Variants in ZKSCAN7 observed in about 807,000 individuals in gnomAD.
The protein encoded by ZKSCAN7 is zinc finger with KRAB and SCAN domains 7, also known as zinc finger protein with KRAB and SCAN domains 7.
A neutral mutation model predicts 65.3 loss-of-function variants in ZKSCAN7; 38 were observed. That is an observed-to-expected ratio of 0.58 (90% CI 0.45 to 0.76). The LOEUF is 0.76. Ranked by LOEUF, ZKSCAN7 falls within the 30% of genes least tolerant of loss-of-function variation. The probability of loss-of-function intolerance (pLI) is 0.00; values close to 1 mark genes in which losing one functional copy is unlikely to be tolerated. For missense variants in ZKSCAN7, 815 were observed against 913.3 expected (o/e 0.89, Z 1.39); for synonymous variants, 321 against 321.0 (o/e 1.00, Z 0.00).
chr3:44,573,473 G>T (rs1370082079), downstream of ZKSCAN7, among the ~76,000 whole-genome samples: 2 of 152,198 alleles, frequency 1.3e-5, no homozygotes, highest in Non-Finnish European at 2.9e-5. Context: ...TCTCAGGCAA[G>T]TTTAGAAAGA....
Position 44,568,374 on chromosome 3 carries a change from G to C in ZKSCAN7, c.752G>C (p.Ser251Thr). 6.2e-7 allele frequency: 1 copy of C among 1,613,716 alleles called. No homozygotes were observed. The highest frequency in any genetic ancestry group is 8.5e-7 in the Non-Finnish European group (1 of 1,179,576). ...TQKKWKSLTL[S>T]QRALQWNMMP... ...AAGAAATGGAAAAGTCTCACACTCA[G>C]TCAGAGAGCCCTGCAGTGGAACATG... The change falls in exon 5 of 6, where the codon AGT becomes ACT. Residue 251 changes from serine to threonine, a missense_variant. Transcript: ENST00000426540.
At chr3:44,573,547 A>G (rs1699864563), downstream of ZKSCAN7, among the ~76,000 whole-genome samples, 1 of 152,210 alleles carries the variant, frequency 6.6e-6, no homozygotes, top group East Asian at 1.9e-4. Context: ...TTATGAATAT[A>G]TATTTTAAAT....
At position 44,570,306 on chromosome 3, in the gene ZKSCAN7, T is replaced by C. The variant is rs749320898; in HGVS notation, c.1196T>C (p.Ile399Thr). The change falls in exon 6 of 6, where the codon ATT (isoleucine) becomes ACT (threonine). Residue 399 changes from isoleucine to threonine, a missense_variant. Ile to Thr is a moderately conservative substitution (Grantham distance 89, BLOSUM62 -1). Around this residue, in one of 3 missense-constraint regions of ZKSCAN7, gnomAD observed 578 missense variants for 629.5 expected, o/e 0.92. Transcript: ENST00000426540. ...GKAFNRSSHL[I>T]GHQRIHTGEK... is the part of the protein sequence containing the mutation. ...GCTTTCAATCGGAGTTCTCACCTTA[T>C]TGGCCATCAGAGAATCCACACTGGA... is the stretch of plus-strand genomic sequence containing the variant. 23 of 1,614,108 alleles carry C rather than the reference T, an allele frequency of 1.4e-5. No individual in the cohort carries two copies. The African/African-American group carries it at 2.3e-4, about 16-fold the overall frequency.
At chr3:44,569,782 A>G (rs950829750) in intron 5 of ZKSCAN7, 140 bp from the exon 6 acceptor site, 1 of 1,336,438 alleles carries the variant, frequency 7.5e-7, no homozygotes, top group Non-Finnish European at 9.6e-7. Flanking sequence ...AATATTTCCC[A>G]TTTTGCTCTT....
chr3:44,580,043 T>C, intron 5 of ZKSCAN7: 1 of 1,579,794 alleles, frequency 6.3e-7, no homozygotes. Flanking sequence ...GGCCCTGGCG[T>C]GTGTCACTGG....
exon 6 of ZKSCAN7, chr3:44,583,358 T>C (rs1272636229): frequency 6.4e-6 from 1 of 156,370 alleles, no homozygotes; most frequent in African/African-American, 2.4e-5. Context: ...TCTTTTTCAA[T>C]CTCTATACAA....
chr3:44,561,336 A>AG (rs1156641144), intron 2 of ZKSCAN7, among the ~76,000 whole-genome samples: 1 of 150,538 alleles, frequency 6.6e-6, no homozygotes, highest in Non-Finnish European at 1.5e-5. Context: ...AAGAACACCA[A>AG]GGGGAGATCT....
intron 2 of ZKSCAN7, among the ~76,000 whole-genome samples, chr3:44,565,168 CT>C (rs1205974019): frequency 6.6e-6 from 1 of 152,184 alleles, no homozygotes; most frequent in African/African-American, 2.4e-5. Flanking sequence ...CTGAATTGCT[CT>C]CCTGGCTCCC....
rs71092315 is a variant in ZKSCAN7, at chr3:44,567,145, G to GGAAA, written c.593-754_593-751dup. 1.3e-3 allele frequency among the ~76,000 whole-genome samples: 167 copies of GGAAA among 127,790 alleles called. 3 individuals are homozygous for GGAAA. The East Asian group carries it at 0.029, about 22-fold the overall frequency. 83.8% of individuals were successfully genotyped at this position (127,790 alleles called of 152,430 possible). On this transcript the variant is annotated intron_variant, in intron 3 of 5. Transcript: ENST00000426540. ...AGAGAGAGAGAGAAAGAGAAAGAAAGGAAAGAAAGAAAGAAAAAGAGAAGA... is the reference window on the plus strand; with the variant it reads ...AGAGAGAGAGAGAAAGAGAAAGAAAGGAAAGAAAGAAAGAAAGAAAAAGAGAAGA...
chr3:44,567,158 GA>G (rs1699657381), intron 3 of ZKSCAN7, among the ~76,000 whole-genome samples: 1 of 110,564 alleles, frequency 9.0e-6, no homozygotes, highest in African/African-American at 3.5e-5. Context: ...AAGAAAGAAA[GA>G]AAAAGAGAAG....
At position 44,580,499 on chromosome 3, in the gene ZKSCAN7, A is replaced by G. The variant is rs570107649; in HGVS notation, c.812-2473A>G. The G allele has an allele frequency of 5.2e-5, 83 of 1,610,384 alleles. 3 individuals are homozygous for G. In the Middle Eastern group the frequency reaches 1.0e-3, roughly 20 times the overall value. ...TGCTGCTGCTGCTGCTGGTGGTAAC[A>G]GCCACCTTGGCAGGCCCAGGCTCCT... On this transcript the variant is annotated intron_variant, in intron 5 of 5. Transcript: ENST00000341840.
At position 44,565,576 on chromosome 3, in the gene ZKSCAN7, C is replaced by T; in HGVS notation, c.513C>T (p.Leu171=). 1 of 1,613,100 alleles carries T rather than the reference C, an allele frequency of 6.2e-7. No homozygotes were observed. Among genetic ancestry groups the T allele is most frequent in the Middle Eastern group, 1.7e-4 (1 of 6,060 alleles). Residue 171 remains leucine (L), a synonymous_variant, in exon 3 of 6, where the codon CTC becomes CTT. Transcript: ENST00000426540. ...TTKESPPTSP[L]SGGSAPGAHL... is the part of the protein sequence containing the mutation. ...AGGAATCTCCTCCTACCTCACCCCT[C>T]AGTGGGGGCTCAGCCCCTGGAGCCC... is the stretch of plus-strand genomic sequence containing the variant.
At position 44,570,795 on chromosome 3, in the gene ZKSCAN7, G is replaced by A. The variant is rs574206888; in HGVS notation, c.1685G>A (p.Arg562Gln). 142 of 1,614,022 alleles carry A rather than the reference G, an allele frequency of 8.8e-5. 2 individuals carry two copies. In the South Asian group the frequency reaches 9.7e-4, roughly 11 times the overall value. ...ECSECGKAFS[R>Q]SKCLIRHQSL... ...AGTGAATGTGGCAAAGCCTTCAGTC[G>A]GAGTAAATGTCTTATTCGACATCAG... Residue 562 changes from arginine (R) to glutamine (Q), a missense_variant, in exon 6 of 6, where the codon CGG (arginine) becomes CAG (glutamine). Arg to Gln is a conservative substitution (Grantham distance 43). This residue lies in a region of ZKSCAN7 where 578 missense variants were observed against 629.5 expected (regional missense o/e 0.92). Transcript: ENST00000426540.
chr3:44,573,677 A>C (rs775631457), downstream of ZKSCAN7, among the ~76,000 whole-genome samples: 1 of 152,212 alleles, frequency 6.6e-6, no homozygotes, highest in Non-Finnish European at 1.5e-5. Flanking sequence ...CCAACCCTAT[A>C]TGAGCACATG....
At chr3:44,576,578 A>C (rs1167559408), downstream of ZKSCAN7, among the ~76,000 whole-genome samples, 1 of 151,564 alleles carries the variant, frequency 6.6e-6, no homozygotes, top group African/African-American at 2.4e-5. Flanking sequence ...CTTCACATAC[A>C]TTTGCTTTTT....
At chr3:44,560,805 G>A (rs1699455362) in intron 2 of ZKSCAN7, among the ~76,000 whole-genome samples, 2 of 152,164 alleles carry the variant, frequency 1.3e-5, no homozygotes, top group African/African-American at 4.8e-5. Flanking sequence ...ACCACGCCTG[G>A]CCTGTTTCCT....
At chr3:44,573,395 T>C (rs1483911012), downstream of ZKSCAN7, among the ~76,000 whole-genome samples, 1 of 152,116 alleles carries the variant, frequency 6.6e-6, no homozygotes, top group Non-Finnish European at 1.5e-5. Flanking sequence ...TGGTGTATGT[T>C]TTAACATAGA....
intron 2 of ZKSCAN7, among the ~76,000 whole-genome samples, chr3:44,558,251 A>G (rs1274304249): frequency 1.3e-5 from 2 of 151,986 alleles, no homozygotes; most frequent in Admixed American, 1.3e-4. Context: ...GTGGCTGGGC[A>G]TGGTAGCTCA....
At chr3:44,568,601 C>T (rs1699703285) in intron 5 of ZKSCAN7, 168 bp downstream of exon 5, 1 of 962,024 alleles carries the variant, frequency 1.0e-6, no homozygotes, top group East Asian at 2.7e-5. Flanking sequence ...CAACAGTGAT[C>T]AGCATACTCT....
Sources: gnomAD v4.1 joint callset for allele counts (sites outside exome capture counted in the v4.1 genomes callset) on GRCh38, gnomAD v4.1.1 for gene constraint, gnomAD v4.1.1 regional missense constraint, MANE v1.5 for transcripts, NCBI Gene and HGNC (gene_info 2026-07-23, HGNC 2026-07-21) for gene names.